The following SLC46A1 variants were observed in gnomAD, a reference collection of about 807,000 sequenced individuals.
SLC46A1 encodes the protein solute carrier family 46 member 1.
In SLC46A1, 17 loss-of-function variants were observed where a neutral mutation model predicts 32.1. The ratio of observed to expected loss-of-function variants is 0.53; its 90% CI spans 0.36 to 0.79. The LOEUF (loss-of-function observed/expected upper bound fraction) is 0.79, where lower values mean the gene tolerates loss of function less well. Among genes scored for constraint, SLC46A1 ranks in the 30% least tolerant of loss-of-function variants. The pLI, the probability that SLC46A1 is intolerant of heterozygous loss-of-function variation, is 0.00. For missense variants in SLC46A1, 517 were observed against 588.2 expected (o/e 0.88, Z 1.25); for synonymous variants, 240 against 262.7 (o/e 0.91, Z 0.84).
rs544691854 is a variant in SLC46A1 at position 28,398,120 on chromosome 17, C to G, written c.*1536G>C. 1 of 152,506 alleles carries G rather than the reference C, an allele frequency of 6.6e-6. No individual in the cohort carries two copies. Among genetic ancestry groups the G allele is most frequent in the South Asian group, 2.1e-4 (1 of 4,824 alleles). 9.4% of individuals were successfully genotyped at this position (152,506 alleles called of 1,614,324 possible). On this transcript the variant is annotated 3_prime_UTR_variant, in exon 5 of 5. Transcript: ENST00000612814. ...CAAGCAGGGCAGCCTGGACACTGCC[C>G]TCACAGGACAGCGCCAATAACAATA...
chr17:28,406,106 C>A lies in SLC46A1; in HGVS notation c.9G>T (p.Gly3=), dbSNP rs782550981. ME[G]SASPPEKPRA... Reference sequence around the variant, plus strand: ...GGGGCTTTTCCGGGGGGCTCGCGCTCCCCTCCATGTGCGTGCGCGGCGGAG... The same window carrying A: ...GGGGCTTTTCCGGGGGGCTCGCGCTACCCTCCATGTGCGTGCGCGGCGGAG... The change falls in exon 1 of 5, where the codon GGG becomes GGT. Residue 3 remains glycine, a synonymous_variant. Coordinates refer to ENST00000612814, the MANE Select transcript of SLC46A1 (RefSeq NM_080669.6). The surrounding 1 kb of genome is among the most constrained non-coding windows in gnomAD (Gnocchi z 4.5). The A allele has an allele frequency of 6.5e-7, 1 of 1,549,964 alleles. No individual in the cohort carries two copies.
chr17:28,396,437 C>T lies in SLC46A1; in HGVS notation c.*3219G>A, dbSNP rs1201902804. ...TCCCCCTGTCCCCCACCCTCATGGCCCACCTCCAACCCACTTTCCTCAGTA... is the reference window on the plus strand; with the variant it reads ...TCCCCCTGTCCCCCACCCTCATGGCTCACCTCCAACCCACTTTCCTCAGTA... On this transcript the variant is annotated 3_prime_UTR_variant, in exon 5 of 5. Coordinates refer to ENST00000612814, the MANE Select transcript of SLC46A1 (RefSeq NM_080669.6). 1.2e-6 allele frequency: 1 copy of T among 845,040 alleles called. No homozygotes were observed. The highest frequency in any genetic ancestry group is 1.7e-5 in the African/African-American group (1 of 58,536). The allele number at this position is 845,040 out of a possible 1,614,324, so 52.3% of individuals were successfully genotyped here.
chr17:28,405,458 G>T lies in SLC46A1; in HGVS notation c.239C>A (p.Thr80Asn), dbSNP rs1555591089. 3.8e-6 allele frequency: 6 copies of T among 1,597,668 alleles called. No individual in the cohort carries two copies. Among genetic ancestry groups the T allele is most frequent in the Non-Finnish European group, 5.1e-6 (6 of 1,173,508 alleles). ...GTAGAGGGTCCAGTGGGAGGTAAGG[G>T]TCTCCACTTCCTGTAGGGGCACAAT... ...SADPTMQEVE[T>N]LTSHWTLYMN... is the part of the protein sequence containing the mutation. Residue 80 changes from threonine to asparagine, a missense_variant, in exon 2 of 5, where the codon ACC becomes AAC. Transcript: ENST00000612814.
rs952570959 is a variant in SLC46A1, at chr17:28,396,262, T to C, written c.*3394A>G. 1 of 1,613,896 alleles carries C rather than the reference T, an allele frequency of 6.2e-7. No homozygotes were observed. Among genetic ancestry groups the C allele is most frequent in the Non-Finnish European group, 8.5e-7 (1 of 1,179,858 alleles). The stretch of plus-strand genomic sequence containing the variant: ...CAGGCTCTGACACCAGTTTGGAGGG[T>C]GCTGCACCCATGGGTCCAACCTAAC... On this transcript the variant is annotated 3_prime_UTR_variant, in exon 5 of 5. Coordinates refer to ENST00000612814, the MANE Select transcript of SLC46A1 (RefSeq NM_080669.6).
Position 28,404,685 on chromosome 17 carries a change from CG to C in SLC46A1, c.1011del (p.Ile337MetfsTer33). On this transcript the variant is annotated frameshift_variant, in exon 2 of 5. Transcript: ENST00000612814. LOFTEE classifies it high-confidence loss of function. ...ATCCCCAGGATGTTGAAGGCCAGGC[CG>C]ATCTCAGCTACCCAGGCATCGGCCA... ...YCLADAWVAE[I>X]GLAFNILGMV... The C allele has an allele frequency of 2.5e-6, 4 of 1,613,588 alleles. No individual in the cohort carries two copies. Among genetic ancestry groups the C allele is most frequent in the Non-Finnish European group, 3.4e-6 (4 of 1,179,590 alleles).
chr17:28,405,833 C>T (rs1555591232), intron 1 of SLC46A1, 54 bp downstream of exon 1: 1 of 1,503,910 alleles, frequency 6.6e-7, no homozygotes, highest in African/African-American at 1.4e-5. Flanking sequence ...CTCCGCTGCC[C>T]CCACGCTCCA....
rs2068190971 is a variant in SLC46A1 at position 28,400,994 on chromosome 17, C to T, written c.1166-228G>A. 2.2e-5 allele frequency: 12 copies of T among 543,166 alleles called. No homozygotes were observed. The East Asian group carries it at 3.8e-4, about 17-fold the overall frequency. 33.6% of individuals were successfully genotyped at this position (543,166 alleles called of 1,614,324 possible). ...AAACAAATGGCTGCTATTAAATCCA[C>T]ATTAAAAGTACATGTGATCTGACAG... On this transcript the variant is annotated intron_variant, in intron 3 of 4. Transcript: ENST00000612814.
chr17:28,396,361 A>G lies in SLC46A1; in HGVS notation c.*3295T>C. 6.3e-7 allele frequency: 1 copy of G among 1,579,990 alleles called. No homozygotes were observed. Among genetic ancestry groups the G allele is most frequent in the Non-Finnish European group, 8.7e-7 (1 of 1,155,336 alleles). ...TTCTGAAGGAACAGCTCCTGAAACC[A>G]GTCTCCCTGGGCTGAGACAACCTGG... On this transcript the variant is annotated 3_prime_UTR_variant, in exon 5 of 5. Transcript: ENST00000612814.
chr17:28,403,364 G>C (rs1567817389), intron 2 of SLC46A1: 2 of 152,296 alleles, frequency 1.3e-5, no homozygotes, highest in African/African-American at 2.4e-5. Flanking sequence ...TTACTTACAG[G>C]CTTCCTGTTT....
chr17:28,404,811 G>T lies in SLC46A1; in HGVS notation c.886C>A (p.Pro296Thr). The T allele has an allele frequency of 6.2e-7, 1 of 1,614,006 alleles. No homozygotes were observed. Among genetic ancestry groups the T allele is most frequent in the East Asian group, 2.2e-5 (1 of 44,884 alleles). The change falls in exon 2 of 5, where the codon CCC (proline) becomes ACC (threonine). Residue 296 changes from proline (P) to threonine (T), a missense_variant. Transcript: ENST00000612814. Reference sequence around the variant, plus strand: ...ATTAGTTTGGAGTCCCAGCAGAGGGGTGTGCTTAGTTCATAAAGGGTTAAG... The same window carrying T: ...ATTAGTTTGGAGTCCCAGCAGAGGGTTGTGCTTAGTTCATAAAGGGTTAAG... ...DILTLYELST[P>T]LCWDSKLIGY...
chr17:28,400,728 C>G lies in SLC46A1; in HGVS notation c.1204G>C (p.Ala402Pro). ...FSAVACVNSL[A>P]MLTASGIFNS... Reference sequence around the variant, plus strand: ...AAGATGCCGGAGGCCGTCAGCATGGCCAGGCTATTCACACAGGCCACAGCA... The same window carrying G: ...AAGATGCCGGAGGCCGTCAGCATGGGCAGGCTATTCACACAGGCCACAGCA... The change falls in exon 4 of 5, where the codon GCC becomes CCC. Residue 402 changes from alanine (A) to proline (P), a missense_variant. Ala to Pro is a conservative substitution (Grantham distance 27). Coordinates refer to ENST00000612814, the MANE Select transcript of SLC46A1 (RefSeq NM_080669.6). The G allele has an allele frequency of 6.3e-7, 1 of 1,597,950 alleles. No individual in the cohort carries two copies. Among genetic ancestry groups the G allele is most frequent in the East Asian group, 2.3e-5 (1 of 44,302 alleles).
rs80338775 is a variant in SLC46A1 at position 28,402,322 on chromosome 17, C to G, written c.1082-1G>C. 6.2e-7 allele frequency: 1 copy of G among 1,612,562 alleles called. No homozygotes were observed. Among genetic ancestry groups the G allele is most frequent in the South Asian group, 1.1e-5 (1 of 90,652 alleles). On this transcript the variant is annotated splice_acceptor_variant, in intron 2 of 4. Coordinates refer to ENST00000612814, the MANE Select transcript of SLC46A1 (RefSeq NM_080669.6). LOFTEE classifies it high-confidence loss of function. ...AATGACAGGAAAAGCAACCCATATC[C>G]TGTGGAGAAACAAACACTCATCAGG...
Position 28,405,982 on chromosome 17 carries a change from G to T in SLC46A1, c.133C>A (p.Gln45Lys). The stretch of plus-strand genomic sequence containing the variant: ...GCGCTGAAGCGGTGCCACAGATACT[G>T]CGTGGTGAGCGGGCCCTGCAGGACC... ...ALVLQGPLTT[Q>K]YLWHRFSADL... The change falls in exon 1 of 5, where the codon CAG becomes AAG. Residue 45 changes from glutamine (Q) to lysine (K), a missense_variant. Transcript: ENST00000612814. The T allele has an allele frequency of 6.2e-7, 1 of 1,611,648 alleles. No individual in the cohort carries two copies. The highest frequency in any genetic ancestry group is 8.5e-7 in the Non-Finnish European group (1 of 1,179,322).
rs1207587504 is a variant in SLC46A1, at chr17:28,399,305, G to A, written c.*351C>T. On this transcript the variant is annotated 3_prime_UTR_variant, in exon 5 of 5. Transcript: ENST00000612814. ...GCTGGAAGGAGAGATGCCAGCCCTC[G>A]TGCTGCCTCTGGTCCCTGAAGTGTC... The A allele has an allele frequency of 8.0e-5, 20 of 251,330 alleles. No homozygotes were observed. The highest frequency in any genetic ancestry group is 2.1e-4 in the South Asian group (3 of 14,574). 15.6% of individuals were successfully genotyped at this position (251,330 alleles called of 1,614,324 possible). A position where few individuals can be genotyped will look rare whatever the true frequency, so the allele number is the denominator to read the frequency against.
chr17:28,404,677 G>C lies in SLC46A1; in HGVS notation c.1020C>G (p.Ala340=). Residue 340 remains alanine (A), a synonymous_variant, in exon 2 of 5, where the codon GCC becomes GCG. Coordinates refer to ENST00000612814, the MANE Select transcript of SLC46A1 (RefSeq NM_080669.6). ...ADAWVAEIGL[A]FNILGMVVFA... ...AGACCACCATCCCCAGGATGTTGAA[G>C]GCCAGGCCGATCTCAGCTACCCAGG... The C allele has an allele frequency of 6.2e-7, 1 of 1,613,500 alleles. No individual in the cohort carries two copies. Among genetic ancestry groups the C allele is most frequent in the Non-Finnish European group, 8.5e-7 (1 of 1,179,484 alleles).
At chr17:28,405,699 G>A (rs935846774) in intron 1 of SLC46A1, 188 bp downstream of exon 1, 2 of 950,492 alleles carry the variant, frequency 2.1e-6, no homozygotes, top group Non-Finnish European at 3.1e-6. Context: ...CCAGACTTTA[G>A]CTCAGCTTTT....
chr17:28,402,234 T>C lies in SLC46A1; in HGVS notation c.1165+4A>G, dbSNP rs2068204632. On this transcript the variant is annotated splice_donor_region_variant and intron_variant, in intron 3 of 4. Coordinates refer to ENST00000612814, the MANE Select transcript of SLC46A1 (RefSeq NM_080669.6). ...ACCAGACACAGGTGGGTTCTGACAC[T>C]CACCCTGCTCTGTCTCTCTCACCAG... The C allele has an allele frequency of 6.2e-7, 1 of 1,611,600 alleles. No homozygotes were observed. The highest frequency in any genetic ancestry group is 1.3e-5 in the African/African-American group (1 of 74,906).
Position 28,396,050 on chromosome 17 carries a change from A to G in SLC46A1, c.*3606T>C, listed in dbSNP as rs376463203. ...AAGTGAGCCCCAGGGCCCTGGGACC[A>G]GGGGGGTAGGGTACAAATCACCATG... On this transcript the variant is annotated 3_prime_UTR_variant, in exon 5 of 5. Transcript: ENST00000612814. 5.6e-6 allele frequency: 9 copies of G among 1,613,514 alleles called. No homozygotes were observed. The highest frequency in any genetic ancestry group is 7.6e-6 in the Non-Finnish European group (9 of 1,179,726).
chr17:28,405,815 C>A, intron 1 of SLC46A1, 72 bp downstream of exon 1: 1 of 1,451,070 alleles, frequency 6.9e-7, no homozygotes, highest in Non-Finnish European at 9.2e-7. Context: ...ATTACGCAGG[C>A]CCCGCCCCTC....
Sources: gnomAD v4.1 joint callset for allele counts on GRCh38, gnomAD v4.1.1 for gene constraint, Gnocchi (gnomAD v3.1) non-coding constraint, MANE v1.5 for transcripts, NCBI Gene and HGNC (gene_info 2026-07-23, HGNC 2026-07-21) for gene names.